Variants in CNTNAP5 observed in about 807,000 individuals in gnomAD.
CNTNAP5 encodes contactin-associated protein-like 5.
CNTNAP5 carries 72 observed loss-of-function variants against 150.2 expected under a neutral mutation model. The ratio of observed to expected loss-of-function variants is 0.48; its 90% confidence interval spans 0.40 to 0.58. CNTNAP5 has a LOEUF of 0.58. Among genes scored for constraint, CNTNAP5 ranks in the 20% least tolerant of loss-of-function variants. The pLI, the probability that CNTNAP5 is intolerant of heterozygous loss-of-function variation, is 0.00. For synonymous variants in CNTNAP5, 672 were observed against 619.8 expected, an observed-to-expected ratio of 1.08 and a Z score of -1.25; for missense variants, 1,636 against 1,626.2, an observed-to-expected ratio of 1.01 and a Z score of -0.10.
At chr2:124,720,701 A>C (rs1680031478) in intron 13 of CNTNAP5, among the ~76,000 whole-genome samples, 1 of 152,138 alleles carries the variant, frequency 6.6e-6, no homozygotes, top group African/African-American at 2.4e-5. Flanking sequence ...AAACCACAAC[A>C]CTCAGAAATT....
At chr2:124,085,591 C>G (rs911850691) in intron 1 of CNTNAP5, among the ~76,000 whole-genome samples, 1 of 152,076 alleles carries the variant, frequency 6.6e-6, no homozygotes, top group Non-Finnish European at 1.5e-5. Flanking sequence ...AGTTCTTGAG[C>G]TTGCAGCTTG....
rs544656468 is a variant in CNTNAP5, at chr2:124,900,659, G to A, written c.3437-2223G>A. Among the ~76,000 whole-genome samples, 114 of 151,638 alleles carry A rather than the reference G, an allele frequency of 7.5e-4. 4 individuals are homozygous for A. The highest frequency in any genetic ancestry group is 2.7e-3 in the African/African-American group (109 of 41,004). The stretch of plus-strand genomic sequence containing the variant: ...AGTCACTATAGTGATGTCCTCCAAG[G>A]ACCTGGACACTATGTAGGCTTCTTT... On this transcript the variant is annotated intron_variant, in intron 21 of 23. Transcript: ENST00000682447.
chr2:124,046,567 G>T (rs1475108183), intron 1 of CNTNAP5, among the ~76,000 whole-genome samples: 2 of 152,118 alleles, frequency 1.3e-5, no homozygotes, highest in African/African-American at 4.8e-5. Flanking sequence ...TCAGAAAGAA[G>T]GTGGCTGAAG....
chr2:124,335,182 T>C (rs1443810180), intron 3 of CNTNAP5, among the ~76,000 whole-genome samples: 4 of 152,096 alleles, frequency 2.6e-5, no homozygotes, highest in Admixed American at 6.6e-5. Context: ...ATCTATGACA[T>C]TGGGTAGGCA....
intron 3 of CNTNAP5, among the ~76,000 whole-genome samples, chr2:124,329,774 C>T (rs1439202735): frequency 6.6e-6 from 1 of 152,082 alleles, no homozygotes; most frequent in Non-Finnish European, 1.5e-5. Context: ...AAAGTTAAGC[C>T]TCTATATGGC....
rs148443823 is a variant in CNTNAP5 at position 124,370,338 on chromosome 2, C to T, written c.382-47105C>T. Reference sequence around the variant, plus strand: ...GCAATGGCTAGAGGGAAGATGAGGGCTTCCAGGTAGGTTGTGTGATGCTCT... The same window carrying T: ...GCAATGGCTAGAGGGAAGATGAGGGTTTCCAGGTAGGTTGTGTGATGCTCT... On this transcript the variant is annotated intron_variant, in intron 3 of 23. Coordinates refer to ENST00000682447, the MANE Select transcript of CNTNAP5 (RefSeq NM_001367498.1). Among the ~76,000 whole-genome samples the T allele has an allele frequency of 2.6e-3, 402 of 152,194 alleles. 1 individual carries two copies. The highest frequency in any genetic ancestry group is 4.3e-3 in the Admixed American group (66 of 15,272).
chr2:124,369,910 T>C (rs922445897), intron 3 of CNTNAP5, among the ~76,000 whole-genome samples: 6 of 152,134 alleles, frequency 3.9e-5, no homozygotes, highest in Non-Finnish European at 5.9e-5. Context: ...TACCCTGCTG[T>C]GTGGTCATGG....
At chr2:124,338,811 A>G (rs1326165000) in intron 3 of CNTNAP5, among the ~76,000 whole-genome samples, 1 of 152,070 alleles carries the variant, frequency 6.6e-6, no homozygotes, top group Non-Finnish European at 1.5e-5. Context: ...TGCTCCAAAT[A>G]CCAAAGTGCC....
At chr2:124,315,111 T>G (rs1397603515) in intron 3 of CNTNAP5, among the ~76,000 whole-genome samples, 1 of 152,024 alleles carries the variant, frequency 6.6e-6, no homozygotes, top group Non-Finnish European at 1.5e-5. Flanking sequence ...TCCAGGCACA[T>G]GCCACCATGC....
At chr2:124,891,318 G>A (rs774305276) in intron 21 of CNTNAP5, among the ~76,000 whole-genome samples, 16 of 152,020 alleles carry the variant, frequency 1.1e-4, no homozygotes, top group South Asian at 1.0e-3. Context: ...CTCTCTAGTA[G>A]GCAGAAAGTA....
intron 3 of CNTNAP5, among the ~76,000 whole-genome samples, chr2:124,382,132 A>C (rs1259422072): frequency 6.6e-6 from 1 of 152,198 alleles, no homozygotes; most frequent in Non-Finnish European, 1.5e-5. Context: ...GGGGTAACTC[A>C]GGAAGGGAAG....
chr2:124,735,530 T>A (rs76003385), intron 13 of CNTNAP5, among the ~76,000 whole-genome samples: 2 of 152,002 alleles, frequency 1.3e-5, no homozygotes, highest in Non-Finnish European at 2.9e-5. Flanking sequence ...CCCAAGAGGG[T>A]TGAGGATACA....
intron 8 of CNTNAP5, among the ~76,000 whole-genome samples, chr2:124,516,195 T>C (rs1694713930): frequency 6.6e-6 from 1 of 152,204 alleles, no homozygotes; most frequent in African/African-American, 2.4e-5. Context: ...CTCTAAATTG[T>C]AGCATAATGG....
At chr2:124,540,172 T>C (rs956368974) in intron 10 of CNTNAP5, among the ~76,000 whole-genome samples, 6 of 152,162 alleles carry the variant, frequency 3.9e-5, no homozygotes, top group African/African-American at 1.4e-4. Context: ...TAGAATCACC[T>C]TGCTACCTGC....
At chr2:124,516,621 A>G (rs1694725456) in intron 8 of CNTNAP5, among the ~76,000 whole-genome samples, 1 of 152,140 alleles carries the variant, frequency 6.6e-6, no homozygotes, top group South Asian at 2.1e-4. Flanking sequence ...AGGGACTATG[A>G]TCTGGTTTGG....
intron 3 of CNTNAP5, among the ~76,000 whole-genome samples, chr2:124,326,386 T>C (rs889611749): frequency 6.6e-6 from 1 of 152,248 alleles, no homozygotes; most frequent in East Asian, 1.9e-4. Context: ...CAACATGTGA[T>C]AGTCGTGGGC....
intron 1 of CNTNAP5, among the ~76,000 whole-genome samples, chr2:124,147,703 C>T (rs1343057861): frequency 1.3e-5 from 2 of 152,226 alleles, no homozygotes; most frequent in Non-Finnish European, 2.9e-5. Context: ...CTCTAACTAG[C>T]TCTGTTGGGA....
chr2:124,815,714 C>CT (rs1682347614), intron 19 of CNTNAP5, among the ~76,000 whole-genome samples: 1 of 151,550 alleles, frequency 6.6e-6, no homozygotes, highest in African/African-American at 2.4e-5. Context: ...GTTTTCTTTT[C>CT]TTTCTTTTTT....
chr2:124,722,186 C>T (rs1680063914), intron 13 of CNTNAP5, among the ~76,000 whole-genome samples: 1 of 151,924 alleles, frequency 6.6e-6, no homozygotes, highest in Admixed American at 6.6e-5. Flanking sequence ...CTCTTTGGAC[C>T]CCTCAAATTG....
Sources: allele counts gnomAD v4.1 joint callset (sites outside exome capture counted in the v4.1 genomes callset), GRCh38; gene constraint gnomAD v4.1.1; transcripts MANE v1.5; gene names NCBI Gene and HGNC (gene_info 2026-07-23, HGNC 2026-07-21).